The following TVP23C variants were observed in gnomAD, a reference collection of about 807,000 sequenced individuals.
TVP23C encodes the protein Golgi apparatus membrane protein TVP23 homolog C.
A neutral mutation model predicts 28.7 loss-of-function variants in TVP23C; 19 were observed. The observed-to-expected ratio is 0.66, with a 90% CI of 0.46 to 0.97. TVP23C has a LOEUF of 0.97. TVP23C is among the 50% of genes least tolerant of loss of function. The pLI is 0.00. For synonymous variants in TVP23C, 68 were observed against 81.7 expected (o/e 0.83, Z 0.90); for missense variants, 186 against 241.3 (o/e 0.77, Z 1.52).
intron 5 of TVP23C, among the ~76,000 whole-genome samples, chr17:15,526,403 C>T (rs1198580008): frequency 6.6e-6 from 1 of 152,200 alleles, no homozygotes; most frequent in African/African-American, 2.4e-5. Context: ...TCAGTTTCCT[C>T]ACTTGTTAAA....
chr17:15,560,795 C>A (rs1229574410), intron 1 of TVP23C, among the ~76,000 whole-genome samples: 2 of 149,710 alleles, frequency 1.3e-5, no homozygotes, highest in Non-Finnish European at 3.0e-5. Context: ...ACCTCGTGAT[C>A]CACCCGCCTC....
intron 2 of TVP23C, among the ~76,000 whole-genome samples, chr17:15,554,195 C>A (rs1984021704): frequency 6.6e-6 from 1 of 151,742 alleles, no homozygotes; most frequent in African/African-American, 2.4e-5. Flanking sequence ...TCAGAAATCA[C>A]TCAGACATTA....
At chr17:15,512,767 A>G (rs1982054909) in intron 5 of TVP23C, among the ~76,000 whole-genome samples, 2 of 152,228 alleles carry the variant, frequency 1.3e-5, no homozygotes, top group Non-Finnish European at 2.9e-5. Flanking sequence ...TAAAGCAGCC[A>G]TTGTATTTCA....
At chr17:15,562,810 A>C (rs1420870861) in intron 1 of TVP23C, 1 of 152,234 alleles carries the variant, frequency 6.6e-6, no homozygotes, top group African/African-American at 2.4e-5. Flanking sequence ...ACTGGTCACA[A>C]CCCTATCCCT....
chr17:15,559,259 A>G (rs1597551317), intron 1 of TVP23C, among the ~76,000 whole-genome samples: 1 of 144,306 alleles, frequency 6.9e-6, no homozygotes, highest in African/African-American at 2.5e-5. Context: ...TCATTTATTC[A>G]GTAAATACTG....
At chr17:15,546,407 G>T (rs534358346) in intron 4 of TVP23C, among the ~76,000 whole-genome samples, 3 of 152,220 alleles carry the variant, frequency 2.0e-5, no homozygotes, top group African/African-American at 7.2e-5. Context: ...TTCCAAGGTA[G>T]ATTCCATAAT....
intron 5 of TVP23C, chr17:15,503,522 G>C: frequency 4.0e-6 from 1 of 247,226 alleles, no homozygotes; most frequent in Non-Finnish European, 7.6e-6. Context: ...TCTTAGTCTC[G>C]TTTTGTTGCC....
intron 5 of TVP23C, among the ~76,000 whole-genome samples, chr17:15,512,920 T>C (rs2150830144): frequency 6.6e-6 from 1 of 152,300 alleles, no homozygotes; most frequent in South Asian, 2.1e-4. Context: ...ACATTTCACA[T>C]ATGGGCTATG....
intron 3 of TVP23C, among the ~76,000 whole-genome samples, chr17:15,551,710 G>A (rs1331677584): frequency 3.3e-5 from 5 of 151,676 alleles, no homozygotes; most frequent in African/African-American, 1.2e-4. Flanking sequence ...ATCAGCTAAT[G>A]TTAGTGTATT....
intron 5 of TVP23C, among the ~76,000 whole-genome samples, chr17:15,506,041 T>C (rs562124012): frequency 1.7e-3 from 257 of 152,356 alleles, no homozygotes; most frequent in African/African-American, 6.1e-3. Flanking sequence ...CAGCGCCCAG[T>C]TCCATCGACC....
At chr17:15,507,832 C>G (rs1981830457) in intron 5 of TVP23C, among the ~76,000 whole-genome samples, 1 of 151,696 alleles carries the variant, frequency 6.6e-6, no homozygotes, top group Non-Finnish European at 1.5e-5. Context: ...GAGCGAGACT[C>G]CATCTCAAAA....
intron 3 of TVP23C, among the ~76,000 whole-genome samples, chr17:15,552,546 T>C (rs1983940843): frequency 6.6e-6 from 1 of 151,752 alleles, no homozygotes. Context: ...TAGCCAGGCG[T>C]GGTGGTGCAT....
intron 5 of TVP23C, among the ~76,000 whole-genome samples, 197 bp from the exon 6 acceptor site, chr17:15,540,758 C>T (rs1278077543): frequency 6.6e-6 from 1 of 152,096 alleles, no homozygotes; most frequent in African/African-American, 2.4e-5. Context: ...GCACAAGGCA[C>T]GAGTCATTCA....
rs1477094871 is a variant in TVP23C, at chr17:15,545,873, C to A, written c.374G>T (p.Arg125Ile). ...ENKTVSEAESRIFWLGLIACS... is the reference protein window; with the variant it reads ...ENKTVSEAESIIFWLGLIACS... ...GGCAATAAGTCCCAACCAAAAGATTCTTGATTCAGCCTCTGACACAGTTTT... is the reference window on the plus strand; with the variant it reads ...GGCAATAAGTCCCAACCAAAAGATTATTGATTCAGCCTCTGACACAGTTTT... The change falls in exon 5 of 6, where the codon AGA becomes ATA. Residue 125 changes from arginine (R) to isoleucine (I), a missense_variant. By Grantham distance (97) the Arg-to-Ile change is moderately conservative. Around this residue, in one of 3 missense-constraint regions of TVP23C, gnomAD observed 74 missense variants for 96.0 expected, o/e 0.77. Transcript: ENST00000518321. 5 of 1,613,968 alleles carry A rather than the reference C, an allele frequency of 3.1e-6. No individual in the cohort carries two copies. Among genetic ancestry groups the A allele is most frequent in the Admixed American group, 3.3e-5 (2 of 59,994 alleles).
intron 3 of TVP23C, among the ~76,000 whole-genome samples, chr17:15,547,783 A>G (rs1240741628): frequency 6.6e-6 from 1 of 152,226 alleles, no homozygotes; most frequent in Non-Finnish European, 1.5e-5. Flanking sequence ...CTGCAAGGGA[A>G]AAGTGTGGGA....
At position 15,555,328 on chromosome 17, in the gene TVP23C, C is replaced by T. The variant is rs1321263107; in HGVS notation, c.49G>A (p.Asp17Asn). Residue 17 changes from aspartate to asparagine, a missense_variant, in exon 2 of 6, where the codon GAT becomes AAT. Transcript: ENST00000518321. ...CTATTAGTCGTCTCCTCTTCCGCAT[C>T]AAACAGTGAAACATCTTCAGTGTCA... ...NDDTEDVSLF[D>N]AEEETTNRPR... 1.2e-6 allele frequency: 2 copies of T among 1,613,844 alleles called. No homozygotes were observed. The highest frequency in any genetic ancestry group is 1.7e-5 in the Admixed American group (1 of 60,000).
chr17:15,541,560 G>A (rs926464463), intron 5 of TVP23C, among the ~76,000 whole-genome samples: 1 of 152,012 alleles, frequency 6.6e-6, no homozygotes, highest in Non-Finnish European at 1.5e-5. Context: ...AAGCAAAGCA[G>A]CTCAATGAAA....
intron 1 of TVP23C, 68 bp downstream of exon 1, chr17:15,563,369 A>G: frequency 1.9e-6 from 3 of 1,547,238 alleles, no homozygotes; most frequent in Non-Finnish European, 2.6e-6. Context: ...CGCGGGCTCC[A>G]GTCCCACGGA....
chr17:15,517,468 A>G (rs1982278698), intron 5 of TVP23C, among the ~76,000 whole-genome samples: 1 of 152,210 alleles, frequency 6.6e-6, no homozygotes, highest in Admixed American at 6.5e-5. Context: ...CTCCCTGAGT[A>G]GAATTAGCTA....
Sources: allele counts gnomAD v4.1 joint callset (sites outside exome capture counted in the v4.1 genomes callset), GRCh38; gene constraint gnomAD v4.1.1; regional missense constraint gnomAD v4.1.1; transcripts MANE v1.5; gene names NCBI Gene and HGNC (gene_info 2026-07-23, HGNC 2026-07-21).